Variants in E4F1 observed in about 807,000 individuals in gnomAD.
The protein encoded by E4F1 is transcription factor E4F1.
A neutral mutation model predicts 72.9 loss-of-function variants in E4F1; 30 were observed. The ratio of observed to expected loss-of-function variants is 0.41; its 90% CI spans 0.31 to 0.56. The LOEUF is 0.56. Among genes scored for constraint, E4F1 ranks in the 20% least tolerant of loss-of-function variants. E4F1 has a pLI of 0.25. For missense variants in E4F1, 1,091 were observed against 1,117.5 expected, an observed-to-expected ratio of 0.98 and a Z score of 0.34; for synonymous variants, 542 against 478.2, an observed-to-expected ratio of 1.13 and a Z score of -1.74.
At chr16:2,224,006 C>G in intron 1 of E4F1, 1 of 1,449,198 alleles carries the variant, frequency 6.9e-7, no homozygotes, top group Non-Finnish European at 9.1e-7. Flanking sequence ...CACAAGTGCT[C>G]GCGGGTTGCT....
intron 1 of E4F1, among the ~76,000 whole-genome samples, chr16:2,226,765 G>A (rs1366312195): frequency 6.6e-6 from 1 of 152,216 alleles, no homozygotes; most frequent in Non-Finnish European, 1.5e-5. Flanking sequence ...GCAAGATTTG[G>A]TGACGTCCCC....
rs1407708960 is a variant in E4F1, at chr16:2,232,904, T to G, written c.879T>G (p.Arg293=). ...TGGTTGTCAGCAAAGAGGACGCACG[T>G]GCAGGTCAGCATGGTGCGGGCAGCT... The part of the protein sequence containing the change: ...KDVVVSKEDA[R]AGSGAGAAGL... The change falls in exon 6 of 14, where the codon CGT becomes CGG. Residue 293 remains arginine (R), a synonymous_variant. Coordinates refer to ENST00000301727, the MANE Select transcript of E4F1 (RefSeq NM_004424.5). 6.2e-7 allele frequency: 1 copy of G among 1,613,282 alleles called. No homozygotes were observed. Among genetic ancestry groups the G allele is most frequent in the African/African-American group, 1.3e-5 (1 of 75,036 alleles).
At position 2,235,284 on chromosome 16, in the gene E4F1, C is replaced by T. The variant is rs779587447; in HGVS notation, c.2067C>T (p.Ile689=). The change falls in exon 14 of 14, where the codon ATC becomes ATT. Residue 689 remains isoleucine, a synonymous_variant. Transcript: ENST00000301727. ...AGGCTAGCGCCGGCCACCAGATCAT[C>T]GTGCAGAACGTCACCATGGACGAGG... The part of the protein sequence containing the change: ...VHQASAGHQI[I]VQNVTMDEET... 154 of 1,611,388 alleles carry T rather than the reference C, an allele frequency of 9.6e-5. No homozygotes were observed. Among genetic ancestry groups the T allele is most frequent in the South Asian group, 1.6e-4 (15 of 91,076 alleles).
At position 2,223,733 on chromosome 16, in the gene E4F1, C is replaced by T; in HGVS notation, c.120C>T (p.Ser40=). The change falls in exon 1 of 14, where the codon AGC becomes AGT. Residue 40 remains serine, a synonymous_variant. Coordinates refer to ENST00000301727, the MANE Select transcript of E4F1 (RefSeq NM_004424.5). ...VAAVAAALAP[S]GFLGLPAPFS... ...CGGTGGCGGCGGCCTTGGCCCCCAG[C>T]GGCTTCCTCGGCCTCCCGGCGCCCT... 1.3e-6 allele frequency: 2 copies of T among 1,538,270 alleles called. No individual in the cohort carries two copies. The highest frequency in any genetic ancestry group is 1.2e-5 in the South Asian group (1 of 83,308).
At chr16:2,226,097 GAAAA>G (rs370894816) in intron 1 of E4F1, among the ~76,000 whole-genome samples, 1 of 143,946 alleles carries the variant, frequency 6.9e-6, no homozygotes, top group African/African-American at 2.5e-5. Flanking sequence ...CGCCTTGAAA[GAAAA>G]AAAAAAAAGA....
At position 2,235,097 on chromosome 16, in the gene E4F1, C is replaced by T. The variant is rs781587768; in HGVS notation, c.1952C>T (p.Ala651Val). ...EYIIEATADD[A>V]ETSEATEIIE... is the part of the protein sequence containing the mutation. ...TCTGCCCAGGCCACTGCGGACGATG[C>T]GGAGACCAGTGAGGCCACGGAGATC... Residue 651 changes from alanine (A) to valine (V), a missense_variant, in exon 13 of 14, where the codon GCG (alanine) becomes GTG (valine). Around this residue, in one of 5 missense-constraint regions of E4F1, gnomAD observed 622 missense variants for 628.0 expected, o/e 0.99. Coordinates refer to ENST00000301727, the MANE Select transcript of E4F1 (RefSeq NM_004424.5). 1.8e-5 allele frequency: 29 copies of T among 1,612,208 alleles called. No homozygotes were observed. Among genetic ancestry groups the T allele is most frequent in the African/African-American group, 2.7e-5 (2 of 74,816 alleles).
In E4F1 at chr16:2,235,306, G is replaced by A. The variant is rs909522340; in HGVS notation, c.2089G>A (p.Glu697Lys). The A allele has an allele frequency of 1.7e-5, 27 of 1,611,022 alleles. No homozygotes were observed. The highest frequency in any genetic ancestry group is 1.0e-4 in the Admixed American group (6 of 60,008). Reference sequence around the variant, plus strand: ...CATCGTGCAGAACGTCACCATGGACGAGGAGACGGCGCTGGGCCCAGAGGC... The same window carrying A: ...CATCGTGCAGAACGTCACCATGGACAAGGAGACGGCGCTGGGCCCAGAGGC... Reference protein sequence around the residue: ...QIIVQNVTMDEETALGPEAAA... With the variant: ...QIIVQNVTMDKETALGPEAAA... Residue 697 changes from glutamate (E) to lysine (K), a missense_variant, in exon 14 of 14, where the codon GAG (glutamate) becomes AAG (lysine). Physicochemically the swap from Glu to Lys is moderately conservative, Grantham distance 56. Transcript: ENST00000301727.
rs2093474552 is a variant in E4F1, at chr16:2,232,580, AG to A, written c.730+5del. The A allele has an allele frequency of 6.2e-7, 1 of 1,611,740 alleles. No homozygotes were observed. The highest frequency in any genetic ancestry group is 8.5e-7 in the Non-Finnish European group (1 of 1,179,422). ...CGGCACCACCGGCGGCACACGGGTGAGCTGGCCGCACCTCGGGCTGGAGCCC... is the reference window on the plus strand; with the variant it reads ...CGGCACCACCGGCGGCACACGGGTGACTGGCCGCACCTCGGGCTGGAGCCC... On this transcript the variant is annotated splice_donor_5th_base_variant and intron_variant, in intron 5 of 13. Transcript: ENST00000301727.
Position 2,229,612 on chromosome 16 carries a change from G to A in E4F1, c.352G>A (p.Ala118Thr), listed in dbSNP as rs148259822. The A allele has an allele frequency of 3.4e-4, 548 of 1,612,678 alleles. No homozygotes were observed. In the African/African-American group the frequency reaches 4.5e-3, roughly 13 times the overall value. The change falls in exon 3 of 14, where the codon GCC (alanine) becomes ACC (threonine). Residue 118 changes from alanine (A) to threonine (T), a missense_variant. By Grantham distance (58) the Ala-to-Thr change is moderately conservative. Coordinates refer to ENST00000301727, the MANE Select transcript of E4F1 (RefSeq NM_004424.5). ...AGGCCCAGAGGAGCCCATCACTGTGGCCCACATCGTGGTGGAGGCGGCCTC... is the reference window on the plus strand; with the variant it reads ...AGGCCCAGAGGAGCCCATCACTGTGACCCACATCGTGGTGGAGGCGGCCTC... Reference protein sequence around the residue: ...APGPEEPITVAHIVVEAASLA... With the variant: ...APGPEEPITVTHIVVEAASLA...
At position 2,234,613 on chromosome 16, in the gene E4F1, C is replaced by T. The variant is rs1209554016; in HGVS notation, c.1624C>T (p.Leu542=). The T allele has an allele frequency of 6.2e-7, 1 of 1,600,442 alleles. No individual in the cohort carries two copies. Among genetic ancestry groups the T allele is most frequent in the East Asian group, 2.3e-5 (1 of 44,382 alleles). The stretch of plus-strand genomic sequence containing the variant: ...ACAGCAGGTGCACTTCAGGACACAC[C>T]TGGAGGAGAAGCCGCACGTGTGCCA... ...NAQQVHFRTH[L]EEKPHVCQFC... The change falls in exon 11 of 14, where the codon CTG becomes TTG. Residue 542 remains leucine, a synonymous_variant. Transcript: ENST00000301727.
Position 2,232,905 on chromosome 16 carries a change from G to T in E4F1, c.880G>T (p.Ala294Ser), listed in dbSNP as rs2093477316. The change falls in exon 6 of 14, where the codon GCA (alanine) becomes TCA (serine). Residue 294 changes from alanine (A) to serine (S), a missense_variant. Ala to Ser is a moderately conservative substitution (Grantham distance 99). Coordinates refer to ENST00000301727, the MANE Select transcript of E4F1 (RefSeq NM_004424.5). ...DVVVSKEDAR[A>S]GSGAGAAGLG... Reference sequence around the variant, plus strand: ...GGTTGTCAGCAAAGAGGACGCACGTGCAGGTCAGCATGGTGCGGGCAGCTG... The same window carrying T: ...GGTTGTCAGCAAAGAGGACGCACGTTCAGGTCAGCATGGTGCGGGCAGCTG... The T allele has an allele frequency of 3.1e-6, 5 of 1,613,294 alleles. No homozygotes were observed. In the East Asian group the frequency reaches 1.1e-4, roughly 36 times the overall value.
rs557380600 is a variant in E4F1 at position 2,226,932 on chromosome 16, G to C, written c.158-1440G>C. On this transcript the variant is annotated intron_variant, in intron 1 of 13. Transcript: ENST00000301727. ...GCTCCCTGCATTTGCCTCTCAGCCAGAGCCAGTGGGCATCAGTCTCCTGGG... is the reference window on the plus strand; with the variant it reads ...GCTCCCTGCATTTGCCTCTCAGCCACAGCCAGTGGGCATCAGTCTCCTGGG... 5.9e-5 allele frequency among the ~76,000 whole-genome samples: 9 copies of C among 152,382 alleles called. No individual in the cohort carries two copies. The South Asian group carries it at 1.0e-3, about 18-fold the overall frequency.
At chr16:2,228,573 G>T (rs753257858) in intron 2 of E4F1, 50 bp downstream of exon 2, 12 of 1,589,216 alleles carry the variant, frequency 7.6e-6, no homozygotes, top group Non-Finnish European at 8.6e-6. Context: ...CCTGACAGGT[G>T]GGGGAGGTGG....
At chr16:2,233,690 C>A (rs765811587) in intron 8 of E4F1, 43 bp downstream of exon 8, 1 of 1,516,788 alleles carries the variant, frequency 6.6e-7, no homozygotes, top group South Asian at 1.2e-5. Context: ...AGGGCTGGAT[C>A]CCAGGGGCTG....
At chr16:2,233,334 G>A (rs2093480364) in intron 7 of E4F1, 104 bp from the exon 8 acceptor site, 1 of 1,422,222 alleles carries the variant, frequency 7.0e-7, no homozygotes, top group African/African-American at 1.4e-5. Flanking sequence ...AGCGCCATGG[G>A]GGTCTGAGGG....
chr16:2,229,726 C>T, intron 3 of E4F1, 51 bp downstream of exon 3: 1 of 1,593,046 alleles, frequency 6.3e-7, no homozygotes, highest in African/African-American at 1.3e-5. Context: ...GTGGTTGGGG[C>T]CAGAGGATGG....
intron 9 of E4F1, 43 bp from the exon 10 acceptor site, chr16:2,234,128 C>T (rs2093486937): frequency 1.9e-6 from 3 of 1,598,396 alleles, no homozygotes; most frequent in South Asian, 2.2e-5. Context: ...GCCTGGCGGG[C>T]CCGCGGGTGA....
intron 2 of E4F1, 65 bp downstream of exon 2, chr16:2,228,588 G>A (rs1040001721): frequency 1.2e-5 from 19 of 1,561,180 alleles, no homozygotes; most frequent in East Asian, 1.2e-4. Flanking sequence ...AGGTGGCCGC[G>A]CTTCAGGATG....
At chr16:2,226,197 C>T (rs1054090549) in intron 1 of E4F1, among the ~76,000 whole-genome samples, 1 of 152,222 alleles carries the variant, frequency 6.6e-6, no homozygotes, top group African/African-American at 2.4e-5. Flanking sequence ...TTCATAGTCT[C>T]TGCCTTTTTT....
Sources: gnomAD v4.1 joint callset for allele counts (sites outside exome capture counted in the v4.1 genomes callset) on GRCh38, gnomAD v4.1.1 for gene constraint, gnomAD v4.1.1 regional missense constraint, MANE v1.5 for transcripts, NCBI Gene and HGNC (gene_info 2026-07-23, HGNC 2026-07-21) for gene names.